The following MRPL15 variants were observed in gnomAD, a reference collection of about 807,000 sequenced individuals.
MRPL15 encodes the protein mitochondrial ribosomal protein L15.
A neutral mutation model predicts 28.0 loss-of-function variants in MRPL15; 24 were observed. That is an observed-to-expected ratio of 0.86 (90% confidence interval 0.62 to 1.21). The LOEUF is 1.21. Among genes scored for constraint, MRPL15 ranks in the 50% most tolerant of loss-of-function variants. MRPL15 has a pLI of 0.00. For synonymous variants in MRPL15, 124 were observed against 137.0 expected, an observed-to-expected ratio of 0.90 and a Z score of 0.66; for missense variants, 343 against 372.4, an observed-to-expected ratio of 0.92 and a Z score of 0.65.
intron 3 of MRPL15, among the ~76,000 whole-genome samples, chr8:54,140,845 A>G (rs1053091264): frequency 1.9e-4 from 28 of 148,836 alleles, no homozygotes; most frequent in African/African-American, 6.2e-4. Context: ...GCCTCCCAAA[A>G]TGCTGGGATT....
At chr8:54,140,522 C>T (rs541884933) in intron 3 of MRPL15, among the ~76,000 whole-genome samples, 4 of 150,300 alleles carry the variant, frequency 2.7e-5, no homozygotes, top group South Asian at 2.1e-4. Context: ...CTTGGCCTCC[C>T]GAAGTGCTAG....
At chr8:54,142,049 A>G (rs1468665372) in intron 3 of MRPL15, among the ~76,000 whole-genome samples, 2 of 152,130 alleles carry the variant, frequency 1.3e-5, no homozygotes, top group Non-Finnish European at 2.9e-5. Flanking sequence ...GGGTTTCACC[A>G]TGTTGGCCAG....
At chr8:54,144,404 G>T (rs961947053) in intron 4 of MRPL15, among the ~76,000 whole-genome samples, 1 of 152,272 alleles carries the variant, frequency 6.6e-6, no homozygotes, top group East Asian at 1.9e-4. Context: ...GGAAGGATTT[G>T]TGTCATCTGT....
intron 4 of MRPL15, 67 bp downstream of exon 4, chr8:54,142,853 T>C (rs1241522039): frequency 6.3e-7 from 1 of 1,595,966 alleles, no homozygotes; most frequent in Non-Finnish European, 8.6e-7. Flanking sequence ...AATTTTAAAT[T>C]ACTTAGTGAA....
rs1444271862 is a variant in MRPL15, at chr8:54,137,131, T to C, written c.264-137T>C. On this transcript the variant is annotated intron_variant, in intron 2 of 4. Coordinates refer to ENST00000260102, the MANE Select transcript of MRPL15 (RefSeq NM_014175.4). The stretch of plus-strand genomic sequence containing the variant: ...TTACCCAAAATCAAGCAGTATTACA[T>C]GTTTGTGTTACACTCAAGAGGGTTT... The C allele has an allele frequency of 7.3e-6, 6 of 819,462 alleles. No homozygotes were observed. The Admixed American group carries it at 8.4e-5, about 11-fold the overall frequency. 50.8% of individuals were successfully genotyped at this position (819,462 alleles called of 1,614,324 possible).
chr8:54,142,988 T>C (rs1203643685), intron 4 of MRPL15, among the ~76,000 whole-genome samples: 1 of 152,118 alleles, frequency 6.6e-6, no homozygotes, highest in Non-Finnish European at 1.5e-5. Context: ...TCTCAGCCCC[T>C]CCCCTGAACT....
At chr8:54,138,835 A>AT (rs919225052) in intron 3 of MRPL15, among the ~76,000 whole-genome samples, 7 of 150,432 alleles carry the variant, frequency 4.7e-5, no homozygotes, top group African/African-American at 1.2e-4. Flanking sequence ...TTTCTTCTTT[A>AT]TTTTTTTTGA....
chr8:54,147,298 C>G, intron 4 of MRPL15, 84 bp from the exon 5 acceptor site: 1 of 983,432 alleles, frequency 1.0e-6, no homozygotes, highest in Non-Finnish European at 1.5e-6. Context: ...TACAGAGTTA[C>G]ATCTCTATGT....
chr8:54,142,583 C>CT (rs1810947740), intron 3 of MRPL15, 80 bp from the exon 4 acceptor site: 2 of 1,519,916 alleles, frequency 1.3e-6, no homozygotes, highest in Non-Finnish European at 8.9e-7. Context: ...GGGAAAAACA[C>CT]TGTCTAAAAA....
At position 54,147,741 on chromosome 8, in the gene MRPL15, G is replaced by A. The variant is rs748821339; in HGVS notation, c.*22G>A. 7.0e-6 allele frequency: 11 copies of A among 1,578,702 alleles called. No homozygotes were observed. The highest frequency in any genetic ancestry group is 1.2e-5 in the South Asian group (1 of 85,882). On this transcript the variant is annotated 3_prime_UTR_variant, in exon 5 of 5. Transcript: ENST00000260102. ...ATGAATTCCCGTCCAAGGAAGCAGA[G>A]TTGTTAAAGAGTACTGGAATAGGGG...
chr8:54,147,423 C>A lies in MRPL15; in HGVS notation c.595C>A (p.Pro199Thr). ...KPVPFFLRGQ[P>T]IPKRMLPPEE... is the part of the protein sequence containing the mutation. ...TGTTCCATTCTTTCTTCGTGGACAA[C>A]CCATTCCAAAAAGAATGCTTCCACC... The change falls in exon 5 of 5, where the codon CCC (proline) becomes ACC (threonine). Residue 199 changes from proline (P) to threonine (T), a missense_variant. By Grantham distance (38) the Pro-to-Thr change is conservative. Transcript: ENST00000260102. 1 of 1,613,758 alleles carries A rather than the reference C, an allele frequency of 6.2e-7. No individual in the cohort carries two copies. Among genetic ancestry groups the A allele is most frequent in the Middle Eastern group, 1.7e-4 (1 of 6,060 alleles).
At position 54,147,791 on chromosome 8, in the gene MRPL15, G is replaced by C; in HGVS notation, c.*72G>C. 1 of 1,307,600 alleles carries C rather than the reference G, an allele frequency of 7.6e-7. No homozygotes were observed. Among genetic ancestry groups the C allele is most frequent in the Non-Finnish European group, 1.0e-6 (1 of 956,640 alleles). The allele number at this position is 1,307,600 out of a possible 1,614,324, so 81.0% of individuals were successfully genotyped here. A position where few individuals can be genotyped will look rare whatever the true frequency, so the allele number is the denominator to read the frequency against. On this transcript the variant is annotated 3_prime_UTR_variant, in exon 5 of 5. Coordinates refer to ENST00000260102, the MANE Select transcript of MRPL15 (RefSeq NM_014175.4). ...GCTGAAGGATCTATATTCCCTTATTGCATTTTCCTTATGTATAATTTTCCA... is the reference window on the plus strand; with the variant it reads ...GCTGAAGGATCTATATTCCCTTATTCCATTTTCCTTATGTATAATTTTCCA...
intron 4 of MRPL15, among the ~76,000 whole-genome samples, chr8:54,145,454 C>T (rs1811026190): frequency 6.6e-6 from 1 of 151,840 alleles, no homozygotes; most frequent in Admixed American, 6.6e-5. Flanking sequence ...TCAAGTGATC[C>T]TTGGTGTGAG....
chr8:54,146,182 C>A (rs1811041883), intron 4 of MRPL15, among the ~76,000 whole-genome samples: 1 of 152,250 alleles, frequency 6.6e-6, no homozygotes, highest in Non-Finnish European at 1.5e-5. Flanking sequence ...GCAGTGGCCT[C>A]ACGCCTGTAA....
At position 54,137,192 on chromosome 8, in the gene MRPL15, A is replaced by G. The variant is rs1053945750; in HGVS notation, c.264-76A>G. 4.2e-6 allele frequency: 6 copies of G among 1,430,974 alleles called. 1 individual carries two copies. The South Asian group carries it at 6.5e-5, about 15-fold the overall frequency. 88.6% of individuals were successfully genotyped at this position (1,430,974 alleles called of 1,614,324 possible). On this transcript the variant is annotated intron_variant, in intron 2 of 4. Transcript: ENST00000260102. ...AATAAAATTGGTGGAGGAAAACACA[A>G]GACAAAGCTTTGAGTTGATTTCGAG...
intron 3 of MRPL15, among the ~76,000 whole-genome samples, chr8:54,140,591 T>TTTTTTTTTTTTTTG (rs1810907461): frequency 7.3e-6 from 1 of 136,882 alleles, no homozygotes; most frequent in Non-Finnish European, 1.5e-5. Context: ...TTTTTTTTTT[T>TTTTTTTTTTTTTTG]GAGATGGAGT....
chr8:54,135,542 A>T, intron 1 of MRPL15, 151 bp downstream of exon 1: 1 of 367,816 alleles, frequency 2.7e-6, no homozygotes, highest in Non-Finnish European at 5.1e-6. Flanking sequence ...TACTGCCCAG[A>T]GGGGAATCTT....
chr8:54,140,675 A>G (rs1379928360), intron 3 of MRPL15, among the ~76,000 whole-genome samples: 52 of 128,740 alleles, frequency 4.0e-4, no homozygotes, highest in African/African-American at 1.2e-3. Context: ...CCGGGTTCAC[A>G]CCATTCTCCT....
chr8:54,147,613 C>T lies in MRPL15; in HGVS notation c.785C>T (p.Pro262Leu), dbSNP rs759413440. 6.2e-6 allele frequency: 10 copies of T among 1,614,116 alleles called. No homozygotes were observed. Among genetic ancestry groups the T allele is most frequent in the Non-Finnish European group, 5.1e-6 (6 of 1,180,010 alleles). ...AAAATGCTCTGTACTAGGAAGGATCCAAGGCAGATTTTCTTTGGTCTTGCT... is the reference window on the plus strand; with the variant it reads ...AAAATGCTCTGTACTAGGAAGGATCTAAGGCAGATTTTCTTTGGTCTTGCT... ...LFKMLCTRKDPRQIFFGLAPG... is the reference protein window; with the variant it reads ...LFKMLCTRKDLRQIFFGLAPG... Residue 262 changes from proline to leucine, a missense_variant, in exon 5 of 5, where the codon CCA (proline) becomes CTA (leucine). Pro to Leu is a moderately conservative substitution (Grantham distance 98, BLOSUM62 -3). Coordinates refer to ENST00000260102, the MANE Select transcript of MRPL15 (RefSeq NM_014175.4).
Sources: allele counts gnomAD v4.1 joint callset (sites outside exome capture counted in the v4.1 genomes callset), GRCh38; gene constraint gnomAD v4.1.1; transcripts MANE v1.5; gene names NCBI Gene and HGNC (gene_info 2026-07-23, HGNC 2026-07-21).